Variants in OPRL1 observed in about 807,000 individuals in gnomAD.
OPRL1 encodes nociceptin receptor.
Under a neutral mutation model 15.5 loss-of-function variants are expected in OPRL1, and 5 were observed. The observed-to-expected ratio is 0.32, with a 90% CI of 0.17 to 0.68. The LOEUF is 0.68. Among genes scored for constraint, OPRL1 ranks in the 30% least tolerant of loss-of-function variants. The pLI is 0.72. For synonymous variants in OPRL1, 223 were observed against 230.2 expected (o/e 0.97, Z 0.28); for missense variants, 406 against 515.3 (o/e 0.79, Z 2.05).
At chr20:64,088,031 TA>T (rs1256449320) in intron 1 of OPRL1, among the ~76,000 whole-genome samples, 1 of 152,248 alleles carries the variant, frequency 6.6e-6, no homozygotes, top group East Asian at 1.9e-4. Context: ...TCTTTCACTC[TA>T]AGACTGCGCC....
intron 1 of OPRL1, among the ~76,000 whole-genome samples, chr20:64,082,147 A>G (rs1269683969): frequency 2.6e-5 from 4 of 152,086 alleles, no homozygotes; most frequent in Non-Finnish European, 5.9e-5. Flanking sequence ...GGCTGTCATC[A>G]CATGTCACAA....
rs2060111058 is a variant in OPRL1, at chr20:64,090,701, T to G, written c.-184-1265T>G. Among the ~76,000 whole-genome samples the G allele has an allele frequency of 6.6e-6, 1 of 152,182 alleles. No individual in the cohort carries two copies. Among genetic ancestry groups the G allele is most frequent in the Non-Finnish European group, 1.5e-5 (1 of 68,024 alleles). ...TGAAGGGGCCATTCAGCTGTGTGGGTGCCAGGGGCCTGTCTGCAGGAGTGA... is the reference window on the plus strand; with the variant it reads ...TGAAGGGGCCATTCAGCTGTGTGGGGGCCAGGGGCCTGTCTGCAGGAGTGA... On this transcript the variant is annotated intron_variant, in intron 1 of 4. Coordinates refer to ENST00000336866, the MANE Select transcript of OPRL1 (RefSeq NM_182647.4). This position sits in a 1 kb window ranked among gnomAD's most constrained non-coding sequence, Gnocchi z 4.9.
chr20:64,098,867 C>G lies in OPRL1; in HGVS notation c.*68C>G. On this transcript the variant is annotated 3_prime_UTR_variant, in exon 5 of 5. Coordinates refer to ENST00000336866, the MANE Select transcript of OPRL1 (RefSeq NM_182647.4). Reference sequence around the variant, plus strand: ...CCATCTACGCCCAACACAGAGCTCACACAGGTCACTGCTCTCTAGGCGGAC... The same window carrying G: ...CCATCTACGCCCAACACAGAGCTCAGACAGGTCACTGCTCTCTAGGCGGAC... The G allele has an allele frequency of 6.6e-7, 1 of 1,515,324 alleles. No individual in the cohort carries two copies. The allele number at this position is 1,515,324 out of a possible 1,614,324, so 93.9% of individuals were successfully genotyped here. A position where few individuals can be genotyped will look rare whatever the true frequency, so the allele number is the denominator to read the frequency against.
At position 64,097,936 on chromosome 20, in the gene OPRL1, G is replaced by A; in HGVS notation, c.368G>A (p.Cys123Tyr). ...LGFWPFGNALCKTVIAIDYYN... is the reference protein window; with the variant it reads ...LGFWPFGNALYKTVIAIDYYN... ...TTCTGGCCGTTTGGGAATGCGCTGT[G>A]CAAGACAGTCATTGCCATTGACTAC... Residue 123 changes from cysteine to tyrosine, a missense_variant, in exon 4 of 5, where the codon TGC becomes TAC. Transcript: ENST00000336866. This position sits in a 1 kb window ranked among gnomAD's most constrained non-coding sequence, Gnocchi z 4.2. 6.2e-7 allele frequency: 1 copy of A among 1,613,726 alleles called. No homozygotes were observed. Among genetic ancestry groups the A allele is most frequent in the Non-Finnish European group, 8.5e-7 (1 of 1,180,020 alleles).
intron 1 of OPRL1, among the ~76,000 whole-genome samples, chr20:64,080,846 A>G (rs1436587210): frequency 6.6e-6 from 1 of 152,184 alleles, no homozygotes; most frequent in Non-Finnish European, 1.5e-5. Context: ...ATCTGTTCAT[A>G]AAATGCCTTC....
At chr20:64,096,746 C>T (rs77149322) in intron 3 of OPRL1, among the ~76,000 whole-genome samples, 2 of 151,462 alleles carry the variant, frequency 1.3e-5, no homozygotes, top group African/African-American at 2.4e-5. Context: ...ATCATCATCA[C>T]CACTATCACC....
In OPRL1 at chr20:64,092,863, TCGG is replaced by T; in HGVS notation, c.144_146del (p.Gly49del). ...GCCAGCCACGGCGCCTTCCTGCCCCTCGGGCTCAAGGTCACCATCGTGGGGCTC... is the reference window on the plus strand; with the variant it reads ...GCCAGCCACGGCGCCTTCCTGCCCCTGCTCAAGGTCACCATCGTGGGGCTC... On this transcript the variant is annotated inframe_deletion, in exon 3 of 5. Transcript: ENST00000336866. 6.2e-7 allele frequency: 1 copy of T among 1,612,644 alleles called. No homozygotes were observed.
rs971482012 is a variant in OPRL1 at position 64,084,462 on chromosome 20, A to T, written c.-185+4110A>T. 9 of 1,034,414 alleles carry T rather than the reference A, an allele frequency of 8.7e-6. No homozygotes were observed. The African/African-American group carries it at 1.5e-4, about 17-fold the overall frequency. The allele number at this position is 1,034,414 out of a possible 1,614,324, so 64.1% of individuals were successfully genotyped here. On this transcript the variant is annotated intron_variant, in intron 1 of 4. Transcript: ENST00000336866. Reference sequence around the variant, plus strand: ...CTGCTCAGTCCTGCAGTCAACTAGGACTTTCTGATCAACTCAGTTGTAGGA... The same window carrying T: ...CTGCTCAGTCCTGCAGTCAACTAGGTCTTTCTGATCAACTCAGTTGTAGGA...
At chr20:64,086,923 A>C (rs996688687) in intron 1 of OPRL1, among the ~76,000 whole-genome samples, 1 of 152,032 alleles carries the variant, frequency 6.6e-6, no homozygotes, top group African/African-American at 2.4e-5. Flanking sequence ...GGGAGTGGGG[A>C]GGACAAAAGA....
chr20:64,084,206 G>C, intron 1 of OPRL1: 1 of 1,419,766 alleles, frequency 7.0e-7, no homozygotes, highest in Middle Eastern at 2.5e-4. Flanking sequence ...GCCCTCCTTC[G>C]CTGGCGGCGG....
rs2060107293 is a variant in OPRL1 at position 64,090,361 on chromosome 20, TGGG to T, written c.-184-1602_-184-1600del. 6.6e-6 allele frequency among the ~76,000 whole-genome samples: 1 copy of T among 152,172 alleles called. No individual in the cohort carries two copies. The highest frequency in any genetic ancestry group is 2.4e-5 in the African/African-American group (1 of 41,444). ...GCCGTGAAGATGCAGGGAGAAATCCTGGGGGACAGCGAGGGATGCTGGGTCCTG... is the reference window on the plus strand; with the variant it reads ...GCCGTGAAGATGCAGGGAGAAATCCTGGACAGCGAGGGATGCTGGGTCCTG... On this transcript the variant is annotated intron_variant, in intron 1 of 4. Transcript: ENST00000336866. This position sits in a 1 kb window ranked among gnomAD's most constrained non-coding sequence, Gnocchi z 4.9.
chr20:64,091,360 G>A (rs544591999), intron 1 of OPRL1, among the ~76,000 whole-genome samples: 46 of 152,320 alleles, frequency 3.0e-4, no homozygotes, highest in African/African-American at 8.9e-4. Context: ...TGCCCTGGGC[G>A]TGTCTCCAAG....
intron 1 of OPRL1, among the ~76,000 whole-genome samples, chr20:64,085,613 T>C (rs2060039227): frequency 6.6e-6 from 1 of 152,248 alleles, no homozygotes; most frequent in Non-Finnish European, 1.5e-5. Context: ...ACAGTTTAAA[T>C]TAGGCAAAAA....
At chr20:64,082,792 G>T (rs1241310369) in intron 1 of OPRL1, among the ~76,000 whole-genome samples, 1 of 148,084 alleles carries the variant, frequency 6.8e-6, no homozygotes, top group Non-Finnish European at 1.5e-5. Context: ...TACTGCATGC[G>T]TGAGTGTGTG....
intron 1 of OPRL1, chr20:64,086,392 T>A (rs898248164): frequency 2.9e-5 from 5 of 170,832 alleles, no homozygotes; most frequent in African/African-American, 1.2e-4. Context: ...ACCCCTACTG[T>A]TTCTCCACAC....
Position 64,089,302 on chromosome 20 carries a change from C to T in OPRL1, c.-184-2664C>T, listed in dbSNP as rs903921790. ...TCTGCTGGACCCTGAACGGCTCCCA[C>T]AGAGGGAGTTGAGGTCTCTATTGAC... On this transcript the variant is annotated intron_variant, in intron 1 of 4. Coordinates refer to ENST00000336866, the MANE Select transcript of OPRL1 (RefSeq NM_182647.4). This position sits in a 1 kb window ranked among gnomAD's most constrained non-coding sequence, Gnocchi z 5.5. 2.0e-5 allele frequency among the ~76,000 whole-genome samples: 3 copies of T among 152,156 alleles called. No individual in the cohort carries two copies. The highest frequency in any genetic ancestry group is 4.4e-5 in the Non-Finnish European group (3 of 68,022).
intron 1 of OPRL1, among the ~76,000 whole-genome samples, chr20:64,091,640 A>G (rs1006958243): frequency 6.6e-6 from 1 of 152,026 alleles, no homozygotes; most frequent in African/African-American, 2.4e-5. Context: ...AGTCTGTCCA[A>G]GGCTGTGTCT....
rs1029049425 is a variant in OPRL1, at chr20:64,098,743, G to A, written c.1057G>A (p.Ala353Thr). 6.2e-6 allele frequency: 10 copies of A among 1,609,934 alleles called. No individual in the cohort carries two copies. The highest frequency in any genetic ancestry group is 8.5e-6 in the Non-Finnish European group (10 of 1,179,904). Reference protein sequence around the residue: ...VQVSDRVRSIAKDVALACKTS... With the variant: ...VQVSDRVRSITKDVALACKTS... ...GGTGTCTGACCGCGTGCGCAGCATT[G>A]CCAAGGACGTGGCCCTGGCCTGCAA... Residue 353 changes from alanine to threonine, a missense_variant, in exon 5 of 5, where the codon GCC becomes ACC. Physicochemically the swap from Ala to Thr is moderately conservative, Grantham distance 58. Transcript: ENST00000336866.
rs978061237 is a variant in OPRL1 at position 64,083,735 on chromosome 20, C to A, written c.-185+3383C>A. The A allele has an allele frequency of 5.9e-6, 8 of 1,348,488 alleles. No individual in the cohort carries two copies. Among genetic ancestry groups the A allele is most frequent in the Middle Eastern group, 2.7e-4 (1 of 3,646 alleles). 83.5% of individuals were successfully genotyped at this position (1,348,488 alleles called of 1,614,324 possible). On this transcript the variant is annotated intron_variant, in intron 1 of 4. Coordinates refer to ENST00000336866, the MANE Select transcript of OPRL1 (RefSeq NM_182647.4). This position sits in a 1 kb window ranked among gnomAD's most constrained non-coding sequence, Gnocchi z 4.9. ...GGGGCCCGGGTAGCTGAGCGCGCGC[C>A]GAGCCCCGCCCCGCCCCGCCCCGGC...
Sources: gnomAD v4.1 joint callset for allele counts (sites outside exome capture counted in the v4.1 genomes callset) on GRCh38, gnomAD v4.1.1 for gene constraint, Gnocchi (gnomAD v3.1) non-coding constraint, MANE v1.5 for transcripts, NCBI Gene and HGNC (gene_info 2026-07-23, HGNC 2026-07-21) for gene names.